The following IDO1 variants were observed in gnomAD, a reference collection of about 807,000 sequenced individuals.
IDO1 encodes indolamine 2,3 dioxygenase.
A neutral mutation model predicts 38.8 loss-of-function variants in IDO1; 35 were observed. The observed-to-expected ratio is 0.90, with a 90% CI of 0.69 to 1.20. The LOEUF (loss-of-function observed/expected upper bound fraction) is 1.20. Ranked by LOEUF, IDO1 falls within the 50% of genes most tolerant of loss-of-function variation. The pLI is 0.00. For synonymous variants in IDO1, 171 were observed against 170.0 expected, an observed-to-expected ratio of 1.01 and a Z score of -0.05; for missense variants, 509 against 485.1, an observed-to-expected ratio of 1.05 and a Z score of -0.46.
chr8:39,928,454 C>G lies in IDO1; in HGVS notation c.*269C>G, dbSNP rs1807400484. 3.6e-6 allele frequency: 1 copy of G among 273,992 alleles called. No homozygotes were observed. Among genetic ancestry groups the G allele is most frequent in the African/African-American group, 2.2e-5 (1 of 45,198 alleles). 17.0% of individuals were successfully genotyped at this position (273,992 alleles called of 1,614,324 possible). Reference sequence around the variant, plus strand: ...AAATGCATAAGATATATTCTGTCGGCTGGGCGCGGTGGCTCACGCCTGTAA... The same window carrying G: ...AAATGCATAAGATATATTCTGTCGGGTGGGCGCGGTGGCTCACGCCTGTAA... On this transcript the variant is annotated 3_prime_UTR_variant, in exon 10 of 10. Transcript: ENST00000518237.
rs114430976 is a variant in IDO1, at chr8:39,926,533, T to C, written c.856+1162T>C. On this transcript the variant is annotated intron_variant, in intron 9 of 9. Coordinates refer to ENST00000518237, the MANE Select transcript of IDO1 (RefSeq NM_002164.6). ...ATTGTATGCCTTCTAGGGGCTTAGC[T>C]GGAGGGGAGGAATAAGCTCCAAGAA... Among the ~76,000 whole-genome samples the C allele has an allele frequency of 2.3e-3, 353 of 152,348 alleles. 1 individual carries two copies. The highest frequency in any genetic ancestry group is 7.8e-3 in the African/African-American group (326 of 41,572).
intron 3 of IDO1, 112 bp from the exon 4 acceptor site, chr8:39,918,703 G>A (rs1258581130): frequency 6.6e-6 from 4 of 602,404 alleles, no homozygotes; most frequent in East Asian, 6.0e-5. Flanking sequence ...CCGAGATCCT[G>A]CCACTGCGCT....
intron 1 of IDO1, among the ~76,000 whole-genome samples, chr8:39,916,383 C>T (rs1807175650): frequency 6.6e-6 from 1 of 151,740 alleles, no homozygotes; most frequent in Non-Finnish European, 1.5e-5. Context: ...GAGGCTAAGA[C>T]AGGAGAATTG....
chr8:39,923,487 A>G lies in IDO1; in HGVS notation c.556A>G (p.Lys186Glu), dbSNP rs965755841. ...SAIKVIPTVF[K>E]AMQMQERDTL... Reference sequence around the variant, plus strand: ...GTTTTAGGTAATTCCTACTGTATTCAAGGCAATGCAAATGCAAGAACGGGA... The same window carrying G: ...GTTTTAGGTAATTCCTACTGTATTCGAGGCAATGCAAATGCAAGAACGGGA... Residue 186 changes from lysine (K) to glutamate (E), a missense_variant, in exon 7 of 10, where the codon AAG (lysine) becomes GAG (glutamate). Physicochemically the swap from Lys to Glu is moderately conservative, Grantham distance 56. Transcript: ENST00000518237. The G allele has an allele frequency of 5.6e-6, 9 of 1,602,360 alleles. No individual in the cohort carries two copies. Among genetic ancestry groups the G allele is most frequent in the Non-Finnish European group, 6.0e-6 (7 of 1,169,560 alleles).
Position 39,915,226 on chromosome 8 carries a change from C to T in IDO1, c.87+1217C>T, listed in dbSNP as rs1313389398. Among the ~76,000 whole-genome samples the T allele has an allele frequency of 2.0e-5, 3 of 152,184 alleles. No individual in the cohort carries two copies. In the South Asian group the frequency reaches 6.2e-4, roughly 31 times the overall value. On this transcript the variant is annotated intron_variant, in intron 1 of 9. Coordinates refer to ENST00000518237, the MANE Select transcript of IDO1 (RefSeq NM_002164.6). ...TTAAAACCATTATTCCACACTGCCT[C>T]TCTTAAGAAGGGATAATAAGACATT...
At chr8:39,920,977 T>G (rs983659279) in intron 5 of IDO1, 5 of 152,224 alleles carry the variant, frequency 3.3e-5, no homozygotes, top group African/African-American at 1.2e-4. Context: ...GTTAAAGTAT[T>G]GGGATCCCTA....
chr8:39,915,099 T>G (rs1376036104), intron 1 of IDO1, among the ~76,000 whole-genome samples: 2 of 152,130 alleles, frequency 1.3e-5, no homozygotes, highest in African/African-American at 4.8e-5. Context: ...ATGTTCCTAA[T>G]GAGAAGTATA....
Position 39,927,907 on chromosome 8 carries a change from T to C in IDO1, c.934T>C (p.Ser312Pro), listed in dbSNP as rs1217994491. 1.9e-6 allele frequency: 3 copies of C among 1,606,808 alleles called. No individual in the cohort carries two copies. Among genetic ancestry groups the C allele is most frequent in the Middle Eastern group, 3.3e-4 (2 of 6,036 alleles). ...AHRNFLCSLE[S>P]NPSVREFVLS... ...CAGGAACTTCCTGTGCTCATTAGAG[T>C]CAAATCCCTCAGTCCGTGAGTTTGT... Residue 312 changes from serine (S) to proline (P), a missense_variant, in exon 10 of 10, where the codon TCA becomes CCA. Physicochemically the swap from Ser to Pro is moderately conservative, Grantham distance 74 (BLOSUM62 -1). Coordinates refer to ENST00000518237, the MANE Select transcript of IDO1 (RefSeq NM_002164.6).
At chr8:39,921,123 T>C (rs1299428713) in intron 5 of IDO1, among the ~76,000 whole-genome samples, 1 of 152,190 alleles carries the variant, frequency 6.6e-6, no homozygotes, top group Admixed American at 6.5e-5. Flanking sequence ...CTTGGTGCGT[T>C]ATCAAAGCTG....
At chr8:39,924,590 GT>G in intron 7 of IDO1, 130 bp from the exon 8 acceptor site, 2 of 648,120 alleles carry the variant, frequency 3.1e-6, no homozygotes, top group Non-Finnish European at 5.6e-6. Flanking sequence ...CAGGGGCTTT[GT>G]TTAGCATAGA....
Position 39,924,795 on chromosome 8 carries a change from T to A in IDO1, c.707+23T>A, listed in dbSNP as rs751938520. 1.8e-5 allele frequency: 28 copies of A among 1,570,834 alleles called. No individual in the cohort carries two copies. In the East Asian group the frequency reaches 5.6e-4, roughly 31 times the overall value. The stretch of plus-strand genomic sequence containing the variant: ...TGGGTATGTAGTCTTATGTTTGAAT[T>A]TGTTTGCTCTCACTTAACAAAGAAC... On this transcript the variant is annotated intron_variant, in intron 8 of 9. Coordinates refer to ENST00000518237, the MANE Select transcript of IDO1 (RefSeq NM_002164.6).
chr8:39,914,018 A>G lies in IDO1; in HGVS notation c.87+9A>G, dbSNP rs1263793149. On this transcript the variant is annotated intron_variant, in intron 1 of 9. Transcript: ENST00000518237. Reference sequence around the variant, plus strand: ...CTCTGCCAAATCCACAGGTAAGAGAAGGCAGTAAAATGTGGGAAAATGCAT... The same window carrying G: ...CTCTGCCAAATCCACAGGTAAGAGAGGGCAGTAAAATGTGGGAAAATGCAT... 2.6e-6 allele frequency: 4 copies of G among 1,550,538 alleles called. No individual in the cohort carries two copies. In the African/African-American group the frequency reaches 4.1e-5, roughly 16 times the overall value.
At chr8:39,923,074 A>G (rs2129592336) in intron 6 of IDO1, among the ~76,000 whole-genome samples, 1 of 152,342 alleles carries the variant, frequency 6.6e-6, no homozygotes, top group East Asian at 1.9e-4. Flanking sequence ...CCCAGGAAAG[A>G]AATGTAAAAA....
chr8:39,919,681 T>TA (rs1554541817), intron 4 of IDO1, among the ~76,000 whole-genome samples: 7 of 151,318 alleles, frequency 4.6e-5, no homozygotes, highest in Non-Finnish European at 1.0e-4. Flanking sequence ...TTAGTTTTTT[T>TA]AAAAAAAAAT....
In IDO1 at chr8:39,918,897, G is replaced by T; in HGVS notation, c.386G>T (p.Cys129Phe). The part of the protein sequence containing the change: ...ELPPILVYAD[C>F]VLANWKKKDP... ...CCTCCTATTTTGGTTTATGCAGACT[G>T]TGTCTTGGCAAACTGGAAGAAAAAG... Residue 129 changes from cysteine (C) to phenylalanine (F), a missense_variant, in exon 4 of 10, where the codon TGT (cysteine) becomes TTT (phenylalanine). Transcript: ENST00000518237. 6 of 1,610,346 alleles carry T rather than the reference G, an allele frequency of 3.7e-6. No homozygotes were observed. The highest frequency in any genetic ancestry group is 5.1e-6 in the Non-Finnish European group (6 of 1,176,702).
chr8:39,916,541 C>T (rs1379789708), intron 1 of IDO1, among the ~76,000 whole-genome samples: 2 of 152,030 alleles, frequency 1.3e-5, no homozygotes, highest in Non-Finnish European at 2.9e-5. Context: ...TTCACTGTCC[C>T]GGAAACATGA....
chr8:39,915,597 A>C (rs1226868807), intron 1 of IDO1: 6 of 152,196 alleles, frequency 3.9e-5, no homozygotes. Context: ...TGCTTTATTC[A>C]TGCAAAACAA....
intron 9 of IDO1, among the ~76,000 whole-genome samples, chr8:39,926,714 G>A (rs1050817505): frequency 6.6e-6 from 1 of 151,954 alleles, no homozygotes; most frequent in Admixed American, 6.6e-5. Context: ...AGATTCAGGG[G>A]ATACATGTGC....
intron 4 of IDO1, 69 bp downstream of exon 4, chr8:39,919,002 A>G (rs753043390): frequency 2.1e-6 from 2 of 960,728 alleles, no homozygotes; most frequent in African/African-American, 1.6e-5. Context: ...GGGGTTGTTC[A>G]TTGGCTTAAT....
Sources: gnomAD v4.1 joint callset for allele counts (sites outside exome capture counted in the v4.1 genomes callset) on GRCh38, gnomAD v4.1.1 for gene constraint, MANE v1.5 for transcripts, NCBI Gene and HGNC (gene_info 2026-07-23, HGNC 2026-07-21) for gene names.